The following PCDHA11 variants were observed in gnomAD, a reference collection of about 807,000 sequenced individuals.
The protein encoded by PCDHA11 is protocadherin alpha-11.
PCDHA11 carries 61 observed loss-of-function variants against 70.3 expected under a neutral mutation model. That is an observed-to-expected ratio of 0.87 (90% CI 0.71 to 1.07). The LOEUF is 1.07. Ranked by LOEUF, PCDHA11 falls within the 50% of genes least tolerant of loss-of-function variation. PCDHA11 has a pLI of 0.00. For missense variants in PCDHA11, 1,324 were observed against 1,237.5 expected (o/e 1.07, Z -1.05); for synonymous variants, 633 against 555.1 (o/e 1.14, Z -1.97).
Position 140,869,509 on chromosome 5 carries a change from A to G in PCDHA11, c.406A>G (p.Arg136Gly), listed in dbSNP as rs199564677. Reference sequence around the variant, plus strand: ...CGACAACCCGCCGGTGTTCTCGCTCAGAGAACAAAAGCTGCTGATTGCGGA... The same window carrying G: ...CGACAACCCGCCGGTGTTCTCGCTCGGAGAACAAAAGCTGCTGATTGCGGA... ...INDNPPVFSL[R>G]EQKLLIAESK... Residue 136 changes from arginine (R) to glycine (G), a missense_variant, in exon 1 of 4, where the codon AGA becomes GGA. Physicochemically the swap from Arg to Gly is moderately radical, Grantham distance 125. Coordinates refer to ENST00000398640, the MANE Select transcript of PCDHA11 (RefSeq NM_018902.5). 13 of 1,614,206 alleles carry G rather than the reference A, an allele frequency of 8.1e-6. No homozygotes were observed. The highest frequency in any genetic ancestry group is 1.6e-4 in the Middle Eastern group (1 of 6,062).
chr5:140,882,886 G>C, intron 1 of PCDHA11: 1 of 1,614,200 alleles, frequency 6.2e-7, no homozygotes, highest in Non-Finnish European at 8.5e-7. Context: ...AGGAAATTCA[G>C]GAACATAGTT....
intron 1 of PCDHA11, among the ~76,000 whole-genome samples, chr5:140,970,048 G>T (rs561588022): frequency 6.6e-6 from 1 of 152,296 alleles, no homozygotes; most frequent in African/African-American, 2.4e-5. Flanking sequence ...TTGTCTGGTT[G>T]GTCCAGGGAG....
At chr5:140,927,502 A>G (rs1554204633) in intron 1 of PCDHA11, 1 of 1,614,134 alleles carries the variant, frequency 6.2e-7, no homozygotes, top group Non-Finnish European at 8.5e-7. Context: ...GCTGGTGCTT[A>G]CAGCTCGGGA....
intron 1 of PCDHA11, chr5:140,882,621 AT>A (rs1447184799): frequency 1.2e-6 from 2 of 1,614,094 alleles, no homozygotes; most frequent in Non-Finnish European, 1.7e-6. Flanking sequence ...CAGGTTTTCC[AT>A]GTGGAGGTGA....
Position 140,870,195 on chromosome 5 carries a change from C to T in PCDHA11, c.1092C>T (p.Pro364=). ...TCCCAGTACGAGAGGACGCTCAGCC[C>T]AGCACGGTCATTGCCCTGATCAGCG... ...LSLPVREDAQ[P]STVIALISVS... The change falls in exon 1 of 4, where the codon CCC becomes CCT. Residue 364 remains proline, a synonymous_variant. Transcript: ENST00000398640. 6.2e-7 allele frequency: 1 copy of T among 1,614,178 alleles called. No individual in the cohort carries two copies. Among genetic ancestry groups the T allele is most frequent in the Non-Finnish European group, 8.5e-7 (1 of 1,180,036 alleles).
At chr5:140,954,367 C>T (rs246024) in intron 1 of PCDHA11, among the ~76,000 whole-genome samples, 85,692 of 152,060 alleles carry the variant, frequency 0.56, 24,769 homozygotes, top group African/African-American at 0.69. Context: ...CACACAGTCT[C>T]CCACAATGAG....
chr5:140,976,556 T>G (rs2096722872), intron 1 of PCDHA11, among the ~76,000 whole-genome samples: 1 of 151,920 alleles, frequency 6.6e-6, no homozygotes, highest in African/African-American at 2.4e-5. Flanking sequence ...ATCTCATAAA[T>G]AAATAAATAA....
chr5:140,957,438 A>T (rs1554222966), intron 1 of PCDHA11, among the ~76,000 whole-genome samples: 1 of 152,216 alleles, frequency 6.6e-6, no homozygotes, highest in Non-Finnish European at 1.5e-5. Context: ...TGCCTAATTT[A>T]TAAATCACAC....
intron 1 of PCDHA11, among the ~76,000 whole-genome samples, chr5:140,910,901 C>T (rs1433262630): frequency 6.6e-6 from 1 of 152,142 alleles, no homozygotes; most frequent in African/African-American, 2.4e-5. Context: ...CTATGCCTGT[C>T]CTCCAGATTT....
intron 1 of PCDHA11, among the ~76,000 whole-genome samples, chr5:140,922,977 G>C (rs935363543): frequency 3.9e-5 from 6 of 152,204 alleles, no homozygotes; most frequent in Non-Finnish European, 5.9e-5. Context: ...GCATATCTCA[G>C]ACAATAGGCA....
intron 1 of PCDHA11, among the ~76,000 whole-genome samples, chr5:140,915,425 A>T (rs2077115235): frequency 6.6e-6 from 1 of 152,056 alleles, no homozygotes; most frequent in African/African-American, 2.4e-5. Flanking sequence ...GGGCTTGTTT[A>T]TCCCTGTCCT....
chr5:140,938,810 C>G (rs1182517488), intron 1 of PCDHA11, among the ~76,000 whole-genome samples: 1 of 152,030 alleles, frequency 6.6e-6, no homozygotes, highest in Non-Finnish European at 1.5e-5. Context: ...ACCACAAACC[C>G]CTGTGACATG....
intron 3 of PCDHA11, among the ~76,000 whole-genome samples, chr5:141,002,289 G>A (rs1468757497): frequency 1.3e-5 from 2 of 152,204 alleles, no homozygotes; most frequent in East Asian, 3.8e-4. Flanking sequence ...GGATGAATGG[G>A]GAGCAAAGGG....
rs369212308 is a variant in PCDHA11 at position 140,870,745 on chromosome 5, G to T, written c.1642G>T (p.Val548Leu). 8 of 1,613,530 alleles carry T rather than the reference G, an allele frequency of 5.0e-6. No individual in the cohort carries two copies. Among genetic ancestry groups the T allele is most frequent in the Admixed American group, 3.3e-5 (2 of 60,022 alleles). Reference sequence around the variant, plus strand: ...GGGCGTGCCGCCTCTGAGCAGCAACGTGACGCTGCAGGTGTTCGTGCTGGA... The same window carrying T: ...GGGCGTGCCGCCTCTGAGCAGCAACTTGACGCTGCAGGTGTTCGTGCTGGA... ...DAGVPPLSSN[V>L]TLQVFVLDEN... The change falls in exon 1 of 4, where the codon GTG becomes TTG. Residue 548 changes from valine (V) to leucine (L), a missense_variant. By Grantham distance (32) the Val-to-Leu change is conservative. Transcript: ENST00000398640.
At chr5:140,912,689 C>T (rs879967123) in intron 1 of PCDHA11, among the ~76,000 whole-genome samples, 1 of 152,112 alleles carries the variant, frequency 6.6e-6, no homozygotes, top group Admixed American at 6.5e-5. Context: ...TTCCAGGTCT[C>T]AGGGGGAATG....
chr5:140,883,511 C>T (rs782295526), intron 1 of PCDHA11: 22 of 1,614,068 alleles, frequency 1.4e-5, no homozygotes, highest in Non-Finnish European at 1.8e-5. Flanking sequence ...CGCCCTGGAC[C>T]GCGAGAGCGT....
In PCDHA11 at chr5:141,010,089, G is replaced by A. The variant is rs1588251277; in HGVS notation, c.*152G>A. 3.7e-6 allele frequency: 6 copies of A among 1,612,294 alleles called. No individual in the cohort carries two copies. The highest frequency in any genetic ancestry group is 5.1e-6 in the Non-Finnish European group (6 of 1,179,138). ...AAAGTTCCCTGTGTCTGTCTAGAAC[G>A]CATTTAACAGGTTTTGTCGTAAAAG... On this transcript the variant is annotated 3_prime_UTR_variant, in exon 4 of 4. Transcript: ENST00000398640.
chr5:140,883,658 G>C (rs573544891), intron 1 of PCDHA11: 2 of 1,613,994 alleles, frequency 1.2e-6, no homozygotes, highest in African/African-American at 2.7e-5. Context: ...CACGGTGTTC[G>C]TGAAGGAAAA....
chr5:140,958,890 A>G (rs1379321415), intron 1 of PCDHA11, among the ~76,000 whole-genome samples: 1 of 152,044 alleles, frequency 6.6e-6, no homozygotes, highest in African/African-American at 2.4e-5. Context: ...CAGTAGCTAT[A>G]TAATAGATAC....
Sources: gnomAD v4.1 joint callset for allele counts (sites outside exome capture counted in the v4.1 genomes callset) on GRCh38, gnomAD v4.1.1 for gene constraint, MANE v1.5 for transcripts, NCBI Gene and HGNC (gene_info 2026-07-23, HGNC 2026-07-21) for gene names.